Variants in TUSC3 observed in about 807,000 individuals in gnomAD.
TUSC3 encodes the protein dolichyl-diphosphooligosaccharide--protein glycosyltransferase subunit TUSC3.
A neutral mutation model predicts 44.8 loss-of-function variants in TUSC3; 45 were observed. The ratio of observed to expected loss-of-function variants is 1.00; its 90% CI spans 0.79 to 1.29. TUSC3 has a LOEUF of 1.29. Among genes scored for constraint, TUSC3 ranks in the 50% most tolerant of loss-of-function variants. TUSC3 has a pLI of 0.00. For synonymous variants in TUSC3, 212 were observed against 152.9 expected, an observed-to-expected ratio of 1.39 and a Z score of -2.85; for missense variants, 519 against 437.9, an observed-to-expected ratio of 1.19 and a Z score of -1.65.
At chr8:15,744,124 T>C (rs1387250558) in intron 8 of TUSC3, among the ~76,000 whole-genome samples, 1 of 152,188 alleles carries the variant, frequency 6.6e-6, no homozygotes, top group Non-Finnish European at 1.5e-5. Flanking sequence ...ATTGATACTA[T>C]CTTTTCCAGG....
chr8:15,613,064 G>GATATATATATATATATATATATAT (rs34594440), intron 1 of TUSC3, among the ~76,000 whole-genome samples: 12 of 144,552 alleles, frequency 8.3e-5, no homozygotes, highest in African/African-American at 3.0e-4. Flanking sequence ...TTATATATAT[G>GATATATATATATATATATATATAT]ATATATATAT....
Position 15,748,406 on chromosome 8 carries a change from C to G in TUSC3, c.969C>G (p.Val323=). The G allele has an allele frequency of 2.5e-6, 4 of 1,613,262 alleles. No homozygotes were observed. The highest frequency in any genetic ancestry group is 2.5e-6 in the Non-Finnish European group (3 of 1,179,464). ...IICLVGLGLV[V]FFFSFLLSIF... Reference sequence around the variant, plus strand: ...GCCTAGTGGGATTGGGCCTGGTGGTCTTCTTCTTCAGTTTTCTACTTTCAA... The same window carrying G: ...GCCTAGTGGGATTGGGCCTGGTGGTGTTCTTCTTCAGTTTTCTACTTTCAA... The change falls in exon 9 of 11, where the codon GTC becomes GTG. Residue 323 remains valine (V), a synonymous_variant. Transcript: ENST00000503731.
intron 6 of TUSC3, 142 bp downstream of exon 6, chr8:15,673,978 AC>A (rs1321593114): frequency 1.5e-6 from 1 of 681,682 alleles, no homozygotes; most frequent in Non-Finnish European, 2.5e-6. Flanking sequence ...TACCTGTGTC[AC>A]CTATATACAC....
chr8:15,637,677 A>G (rs889771293), intron 2 of TUSC3, among the ~76,000 whole-genome samples: 11 of 151,564 alleles, frequency 7.3e-5, no homozygotes, highest in African/African-American at 1.7e-4. Flanking sequence ...CCCCTTTCCT[A>G]TACCAGACCA....
At chr8:15,592,857 G>A (rs1803909189) in intron 1 of TUSC3, among the ~76,000 whole-genome samples, 1 of 152,020 alleles carries the variant, frequency 6.6e-6, no homozygotes, top group Admixed American at 6.6e-5. Context: ...AGGAAAACGA[G>A]GCAGGATGAA....
At chr8:15,724,897 C>G (rs963296211) in intron 6 of TUSC3, among the ~76,000 whole-genome samples, 1 of 152,166 alleles carries the variant, frequency 6.6e-6, no homozygotes, top group Non-Finnish European at 1.5e-5. Context: ...TTTCCTCTAG[C>G]TGCGGACAAG....
At chr8:15,708,655 G>A (rs12679528) in intron 6 of TUSC3, among the ~76,000 whole-genome samples, 83,242 of 151,634 alleles carry the variant, frequency 0.55, 23,328 homozygotes, top group Admixed American at 0.61. Context: ...AAAACATTCA[G>A]TTTTTAAACA....
the TUSC3 span, among the ~76,000 whole-genome samples, chr8:15,786,399 T>C: frequency 6.6e-6 from 1 of 152,202 alleles, no homozygotes; most frequent in African/African-American, 2.4e-5. Flanking sequence ...TTAATGTGTC[T>C]TTAAAATGAA....
chr8:15,656,067 G>T (rs1328399783), intron 3 of TUSC3, among the ~76,000 whole-genome samples: 2 of 152,102 alleles, frequency 1.3e-5, no homozygotes, highest in African/African-American at 2.4e-5. Context: ...TTCAACAGGA[G>T]TTTGTGGGGT....
At chr8:15,600,486 C>T (rs1296736447) in intron 1 of TUSC3, among the ~76,000 whole-genome samples, 1 of 151,618 alleles carries the variant, frequency 6.6e-6, no homozygotes, top group Non-Finnish European at 1.5e-5. Context: ...AATTTCTCTT[C>T]CTTGGTACAT....
intron 1 of TUSC3, among the ~76,000 whole-genome samples, chr8:15,464,415 T>C (rs571713427): frequency 6.6e-6 from 1 of 152,298 alleles, no homozygotes; most frequent in African/African-American, 2.4e-5. Flanking sequence ...ATTTCTTGGA[T>C]CCCTATTATG....
chr8:15,636,381 C>T (rs1806076430), intron 2 of TUSC3, among the ~76,000 whole-genome samples: 1 of 152,076 alleles, frequency 6.6e-6, no homozygotes, highest in South Asian at 2.1e-4. Context: ...CCAGGGTCAG[C>T]TGCACTCTTA....
chr8:15,686,161 C>G (rs1401710985), intron 6 of TUSC3, among the ~76,000 whole-genome samples: 2 of 151,882 alleles, frequency 1.3e-5, no homozygotes, highest in African/African-American at 4.8e-5. Context: ...TATTGTGTAG[C>G]TAAAGGGAAA....
At chr8:15,823,872 C>A in the TUSC3 span, among the ~76,000 whole-genome samples, 1 of 152,168 alleles carries the variant, frequency 6.6e-6, no homozygotes, top group South Asian at 2.1e-4. Context: ...CAAATCTCTT[C>A]CGTAAAGCAT....
chr8:15,779,859 C>T, the TUSC3 span, among the ~76,000 whole-genome samples: 6 of 152,190 alleles, frequency 3.9e-5, no homozygotes, highest in South Asian at 6.2e-4. Flanking sequence ...AGGGCAACTA[C>T]AGAAACGCTA....
At position 15,562,108 on chromosome 8, in the gene TUSC3, G is replaced by T. The variant is rs190503156; in HGVS notation, c.138+21540G>T. Among the ~76,000 whole-genome samples, 38 of 152,264 alleles carry T rather than the reference G, an allele frequency of 2.5e-4. No homozygotes were observed. In the East Asian group the frequency reaches 6.0e-3, roughly 24 times the overall value. On this transcript the variant is annotated intron_variant, in intron 1 of 10. Transcript: ENST00000503731. ...AGCAGCAGTAAGAACAGCTATGCAG[G>T]AGTCTAGCTTCAGAGATCTTGGAGA... is the stretch of plus-strand genomic sequence containing the variant.
chr8:15,679,442 A>T (rs562330559), intron 6 of TUSC3, among the ~76,000 whole-genome samples: 1 of 151,964 alleles, frequency 6.6e-6, no homozygotes, highest in African/African-American at 2.4e-5. Context: ...CCCACTTTTT[A>T]ATGGGGTTAT....
At chr8:15,449,962 G>C (rs1029347796) in intron 1 of TUSC3, among the ~76,000 whole-genome samples, 31 of 152,124 alleles carry the variant, frequency 2.0e-4, no homozygotes, top group African/African-American at 7.5e-4. Context: ...GGAGCGATAG[G>C]CTAGGCTATA....
chr8:15,449,558 A>C (rs573687739), intron 1 of TUSC3, among the ~76,000 whole-genome samples: 1 of 152,122 alleles, frequency 6.6e-6, no homozygotes, highest in African/African-American at 2.4e-5. Context: ...GACTTTTGAA[A>C]CTGCTGGTTT....
Sources: gnomAD v4.1 joint callset for allele counts (sites outside exome capture counted in the v4.1 genomes callset) on GRCh38, gnomAD v4.1.1 for gene constraint, MANE v1.5 for transcripts, NCBI Gene and HGNC (gene_info 2026-07-23, HGNC 2026-07-21) for gene names.